The following NKAIN3 variants were observed in gnomAD, a reference collection of about 807,000 sequenced individuals.
The protein encoded by NKAIN3 is sodium/potassium transporting ATPase interacting 3.
Under a neutral mutation model 30.2 loss-of-function variants are expected in NKAIN3, and 25 were observed. That is an observed-to-expected ratio of 0.83 (90% CI 0.60 to 1.16). NKAIN3 has a LOEUF of 1.16. Ranked by LOEUF, NKAIN3 falls within the 50% of genes most tolerant of loss-of-function variation. NKAIN3 has a pLI of 0.00. For missense variants in NKAIN3, 225 were observed against 254.1 expected (o/e 0.89, Z 0.78); for synonymous variants, 91 against 89.6 (o/e 1.02, Z -0.09).
At chr8:62,454,323 A>AAAAAAAAAAAAAAAAAAAAAAC (rs1360909972) in intron 1 of NKAIN3, among the ~76,000 whole-genome samples, 23 of 145,092 alleles carry the variant, frequency 1.6e-4, no homozygotes, top group Non-Finnish European at 2.4e-4. Flanking sequence ...AAAAAAAAAA[A>AAAAAAAAAAAAAAAAAAAAAAC]TCTGAAAATC....
chr8:62,620,891 A>G (rs1226719584), intron 3 of NKAIN3, among the ~76,000 whole-genome samples: 1 of 150,074 alleles, frequency 6.7e-6, no homozygotes, highest in Non-Finnish European at 1.5e-5. Context: ...TAAACGCCTG[A>G]AATTCACTTA....
intron 4 of NKAIN3, among the ~76,000 whole-genome samples, chr8:62,865,417 T>C (rs2130793539): frequency 6.6e-6 from 1 of 152,320 alleles, no homozygotes; most frequent in Admixed American, 6.5e-5. Flanking sequence ...GGCTTCATCC[T>C]CAGACATTTA....
chr8:62,298,653 G>A (rs779146061), intron 1 of NKAIN3, among the ~76,000 whole-genome samples: 4 of 152,218 alleles, frequency 2.6e-5, no homozygotes, highest in South Asian at 2.1e-4. Flanking sequence ...TAAGCCATGT[G>A]TGTATCACCT....
intron 1 of NKAIN3, among the ~76,000 whole-genome samples, chr8:62,545,991 AG>A (rs1808997690): frequency 6.6e-6 from 1 of 152,194 alleles, no homozygotes; most frequent in African/African-American, 2.4e-5. Flanking sequence ...CAATCTGAGA[AG>A]TACAAAAATA....
intron 4 of NKAIN3, among the ~76,000 whole-genome samples, chr8:62,795,138 G>A (rs1424983484): frequency 1.8e-4 from 27 of 152,134 alleles, no homozygotes; most frequent in Admixed American, 1.8e-3. Context: ...TTATTTAGCA[G>A]CTTCAAATAT....
Position 62,973,402 on chromosome 8 carries a change from A to C in NKAIN3, c.*7995A>C, listed in dbSNP as rs913587939. 6.6e-6 allele frequency among the ~76,000 whole-genome samples: 1 copy of C among 152,002 alleles called. No individual in the cohort carries two copies. Among genetic ancestry groups the C allele is most frequent in the Non-Finnish European group, 1.5e-5 (1 of 68,016 alleles). On this transcript the variant is annotated 3_prime_UTR_variant, in exon 7 of 7. Coordinates refer to ENST00000623646, the MANE Select transcript of NKAIN3 (RefSeq NM_001304533.3). ...GTATCTCATTGTCGTTTTGATTTGC[A>C]TTTCTCTAATGACCAGTGATGATGA... is the stretch of plus-strand genomic sequence containing the variant.
intron 4 of NKAIN3, chr8:62,863,809 A>G: frequency 1.9e-6 from 3 of 1,611,296 alleles, no homozygotes; most frequent in East Asian, 2.2e-5. Flanking sequence ...TTCTAATAAC[A>G]TGATACCGGC....
chr8:62,316,527 G>T (rs1563930472), intron 1 of NKAIN3, among the ~76,000 whole-genome samples: 1 of 151,808 alleles, frequency 6.6e-6, no homozygotes, highest in South Asian at 2.1e-4. Context: ...GAACATGTGG[G>T]GTTTGGTTTT....
chr8:62,472,773 C>T (rs575154430), intron 1 of NKAIN3, among the ~76,000 whole-genome samples: 2 of 152,134 alleles, frequency 1.3e-5, no homozygotes, highest in African/African-American at 2.4e-5. Context: ...GGTCAAGATG[C>T]GGCAGCCACT....
chr8:62,629,921 TA>T (rs1273098953), intron 3 of NKAIN3, among the ~76,000 whole-genome samples: 1 of 152,154 alleles, frequency 6.6e-6, no homozygotes, highest in Non-Finnish European at 1.5e-5. Context: ...GCAATTACTG[TA>T]GTCTCCACTT....
chr8:62,648,422 C>T (rs945867362), intron 3 of NKAIN3, among the ~76,000 whole-genome samples: 2 of 152,140 alleles, frequency 1.3e-5, no homozygotes, highest in African/African-American at 4.8e-5. Context: ...TGTCTTAGCC[C>T]ATGTTCCCTA....
chr8:62,947,441 C>G lies in NKAIN3; in HGVS notation c.533-6461C>G, dbSNP rs1379666534. On this transcript the variant is annotated intron_variant, in intron 5 of 6. Coordinates refer to ENST00000623646, the MANE Select transcript of NKAIN3 (RefSeq NM_001304533.3). ...TGTATATAATATACATTTTTCTTGT[C>G]AATCTTCATAGTAAACCCATTGGAA... Among the ~76,000 whole-genome samples the G allele has an allele frequency of 2.0e-5, 3 of 152,300 alleles. No individual in the cohort carries two copies. The East Asian group carries it at 5.8e-4, about 29-fold the overall frequency.
chr8:62,342,091 A>G (rs906058332), intron 1 of NKAIN3, among the ~76,000 whole-genome samples: 2 of 152,016 alleles, frequency 1.3e-5, no homozygotes, highest in Non-Finnish European at 2.9e-5. Flanking sequence ...GAAAGGCATT[A>G]ATATCTCTGA....
At position 62,596,145 on chromosome 8, in the gene NKAIN3, T is replaced by C. The variant is rs368282528; in HGVS notation, c.273+6351T>C. 1.1e-4 allele frequency among the ~76,000 whole-genome samples: 16 copies of C among 151,982 alleles called. 1 individual carries two copies. The East Asian group carries it at 2.3e-3, about 22-fold the overall frequency. ...GGTGAAGGGTTTTAAGTAATTTCCA[T>C]TGGTTAGCTGCAGGCAAAAGTATTT... On this transcript the variant is annotated intron_variant, in intron 3 of 6. Coordinates refer to ENST00000623646, the MANE Select transcript of NKAIN3 (RefSeq NM_001304533.3).
At chr8:62,509,179 G>C (rs1433189881) in intron 1 of NKAIN3, among the ~76,000 whole-genome samples, 2 of 152,124 alleles carry the variant, frequency 1.3e-5, no homozygotes, top group Non-Finnish European at 2.9e-5. Context: ...GAGAGTAGGA[G>C]ATAATCATGT....
In NKAIN3 at chr8:62,634,369, A is replaced by C. The variant is rs535330608; in HGVS notation, c.273+44575A>C. Among the ~76,000 whole-genome samples, 15 of 152,154 alleles carry C rather than the reference A, an allele frequency of 9.9e-5. No homozygotes were observed. In the South Asian group the frequency reaches 3.1e-3, roughly 32 times the overall value. ...TTCCTGTTTTCCCACACATGATTACATTTCTTTCCAGCTATACAAACTCTT... is the reference window on the plus strand; with the variant it reads ...TTCCTGTTTTCCCACACATGATTACCTTTCTTTCCAGCTATACAAACTCTT... On this transcript the variant is annotated intron_variant, in intron 3 of 6. Transcript: ENST00000623646.
intron 4 of NKAIN3, among the ~76,000 whole-genome samples, chr8:62,773,294 C>T (rs1225937521): frequency 3.3e-5 from 5 of 152,128 alleles, no homozygotes; most frequent in Non-Finnish European, 7.4e-5. Context: ...GTTTTCCCAG[C>T]ACCATTTATT....
chr8:62,920,688 T>A (rs906476399), intron 5 of NKAIN3, among the ~76,000 whole-genome samples: 5 of 152,196 alleles, frequency 3.3e-5, no homozygotes, highest in African/African-American at 1.2e-4. Flanking sequence ...GAGACTATTC[T>A]ATTAGTGGTT....
At chr8:62,348,497 G>A (rs10957218) in intron 1 of NKAIN3, among the ~76,000 whole-genome samples, 126,009 of 152,226 alleles carry the variant, frequency 0.83, 53,856 homozygotes, top group East Asian at 0.95. Context: ...CAACATTAAG[G>A]TAAAAACAGG....
Sources: allele counts gnomAD v4.1 joint callset (sites outside exome capture counted in the v4.1 genomes callset), GRCh38; gene constraint gnomAD v4.1.1; transcripts MANE v1.5; gene names NCBI Gene and HGNC (gene_info 2026-07-23, HGNC 2026-07-21).